PLA2G4E: variants seen among roughly 807,000 people sequenced by gnomAD.
PLA2G4E encodes cytosolic phospholipase A2 epsilon.
PLA2G4E carries 84 observed loss-of-function variants against 109.1 expected under a neutral mutation model. The ratio of observed to expected loss-of-function variants is 0.77; its 90% CI spans 0.65 to 0.92. PLA2G4E has a LOEUF of 0.92. PLA2G4E is among the 40% of genes least tolerant of loss of function. The pLI, the probability that PLA2G4E is intolerant of heterozygous loss-of-function variation, is 0.00. For missense variants in PLA2G4E, 1,057 were observed against 1,076.6 expected (o/e 0.98, Z 0.25); for synonymous variants, 469 against 436.1 (o/e 1.08, Z -0.94).
intron 11 of PLA2G4E, 96 bp from the exon 12 acceptor site, chr15:41,995,592 G>A: frequency 6.6e-7 from 1 of 1,512,000 alleles, no homozygotes; most frequent in Non-Finnish European, 9.0e-7. Context: ...AACAATGGAG[G>A]AGGCAGAGCT....
At chr15:42,014,381 A>T (rs1399487111) in intron 1 of PLA2G4E, among the ~76,000 whole-genome samples, 3 of 152,210 alleles carry the variant, frequency 2.0e-5, no homozygotes, top group African/African-American at 7.2e-5. Context: ...TTCCAGCCCC[A>T]TGCACAGAAT....
At position 41,999,502 on chromosome 15, in the gene PLA2G4E, G is replaced by A. The variant is rs753243762; in HGVS notation, c.974+22C>T. ...ACTGCTATGAATAAGTGAGAGGCAC[G>A]GACAGAATGCGGGTACTATACCAGG... On this transcript the variant is annotated intron_variant, in intron 10 of 19. Coordinates refer to ENST00000399518, the Ensembl canonical transcript of PLA2G4E. 3.2e-5 allele frequency: 49 copies of A among 1,554,082 alleles called. 1 individual carries two copies. The South Asian group carries it at 4.2e-4, about 13-fold the overall frequency.
intron 6 of PLA2G4E, among the ~76,000 whole-genome samples, 198 bp from the exon 7 acceptor site, chr15:42,001,418 T>G (rs537353187): frequency 9.9e-4 from 151 of 152,318 alleles, no homozygotes; most frequent in African/African-American, 3.4e-3. Context: ...ATAGGATACT[T>G]GACCACGAAG....
At chr15:42,047,374 G>A (rs1001082174) in intron 1 of PLA2G4E, among the ~76,000 whole-genome samples, 9 of 152,122 alleles carry the variant, frequency 5.9e-5, no homozygotes, top group African/African-American at 1.9e-4. Context: ...CATGGTGGAG[G>A]GCAGAAGGGC....
chr15:41,990,784 G>A (rs1227380745), intron 13 of PLA2G4E, among the ~76,000 whole-genome samples: 4 of 114,494 alleles, frequency 3.5e-5, no homozygotes, highest in Admixed American at 2.7e-4. Flanking sequence ...CTTAGGACTT[G>A]AACACTAGAT....
chr15:42,034,670 T>C (rs1889177175), intron 1 of PLA2G4E, among the ~76,000 whole-genome samples: 1 of 152,228 alleles, frequency 6.6e-6, no homozygotes, highest in African/African-American at 2.4e-5. Flanking sequence ...TTTTAAGGAT[T>C]ATATGAATAT....
intron 1 of PLA2G4E, among the ~76,000 whole-genome samples, chr15:42,021,857 T>C (rs192792126): frequency 1.3e-5 from 2 of 152,094 alleles, no homozygotes; most frequent in South Asian, 2.1e-4. Context: ...TAGATAGAAG[T>C]GCTTTTTTGA....
chr15:42,013,772 G>T lies in PLA2G4E; in HGVS notation c.184-15C>A. On this transcript the variant is annotated splice_polypyrimidine_tract_variant and intron_variant, in intron 1 of 19. Coordinates refer to ENST00000399518, the Ensembl canonical transcript of PLA2G4E. ...GACAGCCCCTCCTGTGGAAGGAGAGGACAGAGGACTCAGTCTTCAAGCATT... is the reference window on the plus strand; with the variant it reads ...GACAGCCCCTCCTGTGGAAGGAGAGTACAGAGGACTCAGTCTTCAAGCATT... 3 of 1,546,158 alleles carry T rather than the reference G, an allele frequency of 1.9e-6. No homozygotes were observed. The highest frequency in any genetic ancestry group is 2.4e-5 in the South Asian group (2 of 83,964).
intron 1 of PLA2G4E, among the ~76,000 whole-genome samples, chr15:42,017,807 A>G (rs1212380827): frequency 6.6e-6 from 1 of 152,164 alleles, no homozygotes; most frequent in African/African-American, 2.4e-5. Context: ...GGCTGTTTCT[A>G]CCAACACATT....
At chr15:42,041,131 T>C (rs561283708) in intron 1 of PLA2G4E, among the ~76,000 whole-genome samples, 2 of 152,308 alleles carry the variant, frequency 1.3e-5, no homozygotes, top group South Asian at 2.1e-4. Context: ...ATCTTATGAA[T>C]ATGCAAACCT....
intron 14 of PLA2G4E, among the ~76,000 whole-genome samples, chr15:41,989,841 T>C (rs2068213417): frequency 6.6e-6 from 1 of 152,210 alleles, no homozygotes; most frequent in Non-Finnish European, 1.5e-5. Flanking sequence ...AGTCTCTCTC[T>C]CTCTGGGCAG....
At chr15:42,011,155 G>C (rs2068531909) in intron 2 of PLA2G4E, among the ~76,000 whole-genome samples, 1 of 152,212 alleles carries the variant, frequency 6.6e-6, no homozygotes, top group Non-Finnish European at 1.5e-5. Context: ...GTAAGCAACA[G>C]GGGGGTTTCC....
chr15:42,021,143 G>A (rs2068645008), intron 1 of PLA2G4E, among the ~76,000 whole-genome samples, 101 bp from the exon 1 acceptor site: 1 of 151,932 alleles, frequency 6.6e-6, no homozygotes, highest in Non-Finnish European at 1.5e-5. Flanking sequence ...AGTGGTTTGA[G>A]TGGGTAGACA....
At chr15:41,985,663 C>T (rs146936801) in intron 18 of PLA2G4E, among the ~76,000 whole-genome samples, 176 bp downstream of exon 18, 9 of 152,332 alleles carry the variant, frequency 5.9e-5, no homozygotes, top group African/African-American at 9.6e-5. Context: ...GCTGGCTGCC[C>T]GTGAGTTCTG....
exon 3 of PLA2G4E, chr15:42,007,812 T>G: frequency 6.2e-7 from 1 of 1,611,172 alleles, no homozygotes; most frequent in Non-Finnish European, 8.5e-7. Flanking sequence ...GTCCTCAGCT[T>G]CTTCTGAGAG....
chr15:41,997,000 AC>A, intron 11 of PLA2G4E, 123 bp downstream of exon 11: 5 of 1,276,782 alleles, frequency 3.9e-6, no homozygotes, highest in Non-Finnish European at 5.2e-6. Flanking sequence ...GGGCGCCTGT[AC>A]CTCAGCAGTA....
rs79166121 is a variant in PLA2G4E at position 41,987,373 on chromosome 15, C to T, written c.1834G>A (p.Asp612Asn). Reference sequence around the variant, plus strand: ...GGGATTTCAGGCAGGATCGGCTCGTCTTCTGCAGGGGAGGGAGGGATGAAG... The same window carrying T: ...GGGATTTCAGGCAGGATCGGCTCGTTTTCTGCAGGGGAGGGAGGGATGAAG... Residue 612 changes from aspartate to asparagine, a missense_variant and splice_region_variant, in exon 17 of 20, where the codon GAC becomes AAC. Physicochemically the swap from Asp to Asn is conservative, Grantham distance 23. Transcript: ENST00000399518. The T allele has an allele frequency of 1.1e-4, 185 of 1,612,922 alleles. 1 individual carries two copies. In the East Asian group the frequency reaches 4.1e-3, roughly 36 times the overall value.
chr15:42,026,292 A>G (rs183547541), intron 1 of PLA2G4E, among the ~76,000 whole-genome samples: 66 of 152,356 alleles, frequency 4.3e-4, no homozygotes, highest in African/African-American at 1.5e-3. Context: ...ATATATGATA[A>G]AATTGGCACC....
chr15:42,000,310 C>G, intron 7 of PLA2G4E, 28 bp from the exon 8 acceptor site: 1 of 1,537,532 alleles, frequency 6.5e-7, no homozygotes, highest in Non-Finnish European at 8.8e-7. Flanking sequence ...AGGGTGAGAC[C>G]CTGGGAGCCT....
Sources: allele counts gnomAD v4.1 joint callset (sites outside exome capture counted in the v4.1 genomes callset), GRCh38; gene constraint gnomAD v4.1.1; transcripts MANE v1.5; gene names NCBI Gene and HGNC (gene_info 2026-07-23, HGNC 2026-07-21).